The following EPHA6 variants were observed in gnomAD, a reference collection of about 807,000 sequenced individuals.
The protein encoded by EPHA6 is ephrin type-A receptor 6.
In EPHA6, 50 loss-of-function variants were observed where a neutral mutation model predicts 112.0. That is an observed-to-expected ratio of 0.45 (90% CI 0.36 to 0.56). EPHA6 has a LOEUF of 0.56. Ranked by LOEUF, EPHA6 falls within the 20% of genes least tolerant of loss-of-function variation. The pLI is 0.00. For synonymous variants in EPHA6, 529 were observed against 490.7 expected (o/e 1.08, Z -1.03); for missense variants, 1,280 against 1,417.4 (o/e 0.90, Z 1.56).
chr3:97,316,988 G>T (rs541436153), intron 5 of EPHA6, among the ~76,000 whole-genome samples: 1 of 151,922 alleles, frequency 6.6e-6, no homozygotes, highest in South Asian at 2.1e-4. Flanking sequence ...ATTTTAAAAA[G>T]ATAATATTTA....
intron 6 of EPHA6, among the ~76,000 whole-genome samples, chr3:97,436,499 G>A (rs2089844689): frequency 6.6e-6 from 1 of 152,134 alleles, no homozygotes; most frequent in African/African-American, 2.4e-5. Flanking sequence ...TCCTAAATGA[G>A]GGTAAGGAAT....
At chr3:97,156,768 G>A (rs1236531591) in intron 3 of EPHA6, among the ~76,000 whole-genome samples, 13 of 152,074 alleles carry the variant, frequency 8.5e-5, no homozygotes, top group Admixed American at 2.6e-4. Flanking sequence ...TTTAATGTCA[G>A]TTTAATATTT....
intron 3 of EPHA6, among the ~76,000 whole-genome samples, chr3:97,080,307 G>C (rs145610027): frequency 2.0e-5 from 3 of 152,156 alleles, no homozygotes; most frequent in African/African-American, 7.2e-5. Context: ...GTGTGGGGGA[G>C]GGAGTTAATG....
chr3:96,820,069 T>C lies in EPHA6; in HGVS notation c.385+5061T>C, dbSNP rs527445755. Among the ~76,000 whole-genome samples the C allele has an allele frequency of 1.6e-3, 245 of 152,086 alleles. 1 individual carries two copies. The highest frequency in any genetic ancestry group is 5.4e-3 in the African/African-American group (226 of 41,512). On this transcript the variant is annotated intron_variant, in intron 1 of 17. Coordinates refer to ENST00000389672, the MANE Select transcript of EPHA6 (RefSeq NM_001080448.3). The stretch of plus-strand genomic sequence containing the variant: ...AGAGTGGGAAGAAGTGCGTAACATA[T>C]AGTGGAAACTGACTGAGCAAGGGTC...
Position 97,755,772 on chromosome 3 carries a change from A to T in EPHA6, c.*7071A>T, listed in dbSNP as rs1266221327. ...AAATTGATGTGAACATTTCTCTACA[A>T]GTTTTTCCACATTTGTAGCTCATCC... On this transcript the variant is annotated 3_prime_UTR_variant, in exon 18 of 18. Coordinates refer to ENST00000389672, the MANE Select transcript of EPHA6 (RefSeq NM_001080448.3). Among the ~76,000 whole-genome samples, 1 of 152,076 alleles carries T rather than the reference A, an allele frequency of 6.6e-6. No homozygotes were observed. The highest frequency in any genetic ancestry group is 1.5e-5 in the Non-Finnish European group (1 of 67,930).
At chr3:97,409,960 T>C (rs2087604744) in intron 6 of EPHA6, among the ~76,000 whole-genome samples, 1 of 152,094 alleles carries the variant, frequency 6.6e-6, no homozygotes, top group African/African-American at 2.4e-5. Flanking sequence ...AAAACTATCT[T>C]TGCTTTTTAA....
chr3:97,505,431 A>T (rs555437183), intron 10 of EPHA6, among the ~76,000 whole-genome samples: 20 of 151,380 alleles, frequency 1.3e-4, no homozygotes, highest in African/African-American at 3.9e-4. Context: ...GAGTGAGAAC[A>T]TGTGGTGTTT....
chr3:96,988,071 A>C (rs2107847342), intron 3 of EPHA6, 78 bp downstream of exon 3: 1 of 1,164,232 alleles, frequency 8.6e-7, no homozygotes, highest in African/African-American at 1.6e-5. Context: ...ATTAACAAAT[A>C]GTAATTGTGC....
intron 3 of EPHA6, among the ~76,000 whole-genome samples, chr3:97,066,494 A>T (rs2046182912): frequency 6.6e-6 from 1 of 152,196 alleles, no homozygotes; most frequent in Non-Finnish European, 1.5e-5. Flanking sequence ...TAGGAAAACT[A>T]GAGAAGAGAA....
chr3:97,728,267 T>C (rs1404918075), intron 15 of EPHA6, among the ~76,000 whole-genome samples: 1 of 150,620 alleles, frequency 6.6e-6, no homozygotes, highest in Admixed American at 6.6e-5. Flanking sequence ...GAAATTTCAT[T>C]TTTTCCCAGA....
chr3:97,127,781 G>T (rs527544963), intron 3 of EPHA6, among the ~76,000 whole-genome samples: 1 of 151,120 alleles, frequency 6.6e-6, no homozygotes, highest in Non-Finnish European at 1.5e-5. Context: ...AGCTTCCAGC[G>T]TGTCATATTT....
At chr3:97,325,350 T>C (rs2082367219) in intron 5 of EPHA6, among the ~76,000 whole-genome samples, 1 of 152,108 alleles carries the variant, frequency 6.6e-6, no homozygotes, top group African/African-American at 2.4e-5. Flanking sequence ...GGCCTTCCTT[T>C]CACTGTGTCC....
In EPHA6 at chr3:97,387,653, C is replaced by A. The variant is rs574981196; in HGVS notation, c.1607-17497C>A. Among the ~76,000 whole-genome samples the A allele has an allele frequency of 2.0e-5, 3 of 152,230 alleles. No individual in the cohort carries two copies. In the East Asian group the frequency reaches 5.8e-4, roughly 29 times the overall value. On this transcript the variant is annotated intron_variant, in intron 5 of 17. Coordinates refer to ENST00000389672, the MANE Select transcript of EPHA6 (RefSeq NM_001080448.3). ...AAGTTCCAAACTGTCCCTCATCTTC[C>A]TGTTTTCTTCTGAGCCCTCTAAACT...
chr3:97,344,225 G>A (rs2108870054), intron 5 of EPHA6, among the ~76,000 whole-genome samples: 1 of 152,178 alleles, frequency 6.6e-6, no homozygotes. Context: ...GTGAAATTTG[G>A]GGACGAAATG....
chr3:97,169,667 G>C (rs1019626027), intron 3 of EPHA6, among the ~76,000 whole-genome samples: 1 of 152,120 alleles, frequency 6.6e-6, no homozygotes, highest in Non-Finnish European at 1.5e-5. Context: ...TATTTGCACA[G>C]TAGTGCTTCG....
intron 11 of EPHA6, among the ~76,000 whole-genome samples, chr3:97,583,400 G>A (rs113775870): frequency 3.2e-4 from 48 of 152,090 alleles, no homozygotes; most frequent in African/African-American, 1.1e-3. Context: ...TTAGCTGAGC[G>A]TGGTGGTGGG....
At chr3:97,533,086 C>T (rs557874588) in intron 11 of EPHA6, among the ~76,000 whole-genome samples, 8 of 151,918 alleles carry the variant, frequency 5.3e-5, no homozygotes, top group Non-Finnish European at 1.0e-4. Context: ...AAAGTTTATT[C>T]CTTTGAAAAG....
chr3:97,379,439 T>C (rs1276428932), intron 5 of EPHA6, among the ~76,000 whole-genome samples: 1 of 151,972 alleles, frequency 6.6e-6, no homozygotes, highest in Non-Finnish European at 1.5e-5. Flanking sequence ...GAAACAAATA[T>C]TATTTAAAGA....
intron 3 of EPHA6, among the ~76,000 whole-genome samples, chr3:97,130,817 A>G (rs1009432822): frequency 6.6e-6 from 1 of 152,166 alleles, no homozygotes; most frequent in African/African-American, 2.4e-5. Flanking sequence ...TTAAAAGTGA[A>G]AAGTATTTCA....
Sources: gnomAD v4.1 joint callset for allele counts (sites outside exome capture counted in the v4.1 genomes callset) on GRCh38, gnomAD v4.1.1 for gene constraint, MANE v1.5 for transcripts, NCBI Gene and HGNC (gene_info 2026-07-23, HGNC 2026-07-21) for gene names.